The following GPC5 variants were observed in gnomAD, a reference collection of about 807,000 sequenced individuals.
GPC5 encodes the protein glypican-5.
A neutral mutation model predicts 53.9 loss-of-function variants in GPC5; 47 were observed. The ratio of observed to expected loss-of-function variants is 0.87; its 90% CI spans 0.69 to 1.11. GPC5 has a LOEUF of 1.11. Among genes scored for constraint, GPC5 ranks in the 50% most tolerant of loss-of-function variants. The probability of loss-of-function intolerance (pLI) is 0.00; values close to 1 mark genes in which losing one functional copy is unlikely to be tolerated. For missense variants in GPC5, 748 were observed against 713.1 expected (o/e 1.05, Z -0.56); for synonymous variants, 286 against 263.3 (o/e 1.09, Z -0.84).
chr13:92,139,511 C>T (rs760786561), intron 6 of GPC5, among the ~76,000 whole-genome samples: 1 of 151,706 alleles, frequency 6.6e-6, no homozygotes, highest in Non-Finnish European at 1.5e-5. Context: ...ACTAAAAATA[C>T]AAAAAATTAG....
intron 7 of GPC5, among the ~76,000 whole-genome samples, chr13:92,735,052 C>T (rs1888903654): frequency 1.3e-5 from 2 of 151,794 alleles, no homozygotes; most frequent in African/African-American, 4.8e-5. Flanking sequence ...AAAAAAACAG[C>T]TTTTTAATCA....
chr13:92,007,098 C>T (rs981602507), intron 6 of GPC5, among the ~76,000 whole-genome samples: 1 of 152,080 alleles, frequency 6.6e-6, no homozygotes, highest in Admixed American at 6.6e-5. Flanking sequence ...CATAAAAGTT[C>T]AGTATGCAAT....
At chr13:91,418,208 G>A (rs1178045727) in intron 1 of GPC5, among the ~76,000 whole-genome samples, 2 of 152,138 alleles carry the variant, frequency 1.3e-5, no homozygotes, top group African/African-American at 4.8e-5. Flanking sequence ...GCCACTAGGA[G>A]TCTTAAAGGA....
Position 92,039,750 on chromosome 13 carries a change from G to GT in GPC5, c.1402-105071dup, listed in dbSNP as rs568192301. Among the ~76,000 whole-genome samples, 806 of 151,340 alleles carry GT rather than the reference G, an allele frequency of 5.3e-3. 6 individuals carry two copies. Among genetic ancestry groups the GT allele is most frequent in the East Asian group, 0.034 (175 of 5,134 alleles). ...CTGCCTTCTGGCTATACCTTCACGT[G>GT]TTTTTTTTTCTATGTGTGTGCACAT... On this transcript the variant is annotated intron_variant, in intron 6 of 7. Transcript: ENST00000377067.
At chr13:91,918,287 G>A (rs189613260) in intron 6 of GPC5, among the ~76,000 whole-genome samples, 116 of 152,212 alleles carry the variant, frequency 7.6e-4, no homozygotes, top group East Asian at 5.8e-4. Context: ...TGACATGTGG[G>A]TATTATAGAG....
At chr13:91,946,338 T>A (rs771802255) in intron 6 of GPC5, among the ~76,000 whole-genome samples, 1 of 152,186 alleles carries the variant, frequency 6.6e-6, no homozygotes, top group Non-Finnish European at 1.5e-5. Flanking sequence ...TTTGCATGTG[T>A]TTAAAATATA....
rs377732113 is a variant in GPC5, at chr13:92,616,243, C to T, written c.1562-250039C>T. On this transcript the variant is annotated intron_variant, in intron 7 of 7. Coordinates refer to ENST00000377067, the MANE Select transcript of GPC5 (RefSeq NM_004466.6). ...TCAAGAAGACTTAATATGTTGATAC[C>T]ACCAGGGCATTTTAATATAAAAATT... 1.7e-4 allele frequency among the ~76,000 whole-genome samples: 26 copies of T among 152,176 alleles called. No homozygotes were observed. The South Asian group carries it at 5.4e-3, about 32-fold the overall frequency.
Position 92,866,310 on chromosome 13 carries a change from T to C in GPC5, c.1590T>C (p.Asp530=), listed in dbSNP as rs957042463. Residue 530 remains aspartate (D), a synonymous_variant, in exon 8 of 8, where the codon GAT becomes GAC. Coordinates refer to ENST00000377067, the MANE Select transcript of GPC5 (RefSeq NM_004466.6). ...TGCCAGATGATATGAACTTCAGTGA[T>C]GTAAAGCAAATCCATCAAACAGACA... The part of the protein sequence containing the change: ...DWMPDDMNFS[D]VKQIHQTDTG... The C allele has an allele frequency of 1.2e-6, 2 of 1,612,324 alleles. No homozygotes were observed. Among genetic ancestry groups the C allele is most frequent in the African/African-American group, 1.3e-5 (1 of 74,816 alleles).
In GPC5 at chr13:92,313,556, T is replaced by A. The variant is rs1047691060; in HGVS notation, c.1561+168567T>A. Among the ~76,000 whole-genome samples, 4 of 152,360 alleles carry A rather than the reference T, an allele frequency of 2.6e-5. No individual in the cohort carries two copies. The East Asian group carries it at 7.7e-4, about 29-fold the overall frequency. ...AGAAGTTGAGGTTCTTTTTTGCTGA[T>A]TGTGCCAGAAGTTGTTTCCCTTGCA... On this transcript the variant is annotated intron_variant, in intron 7 of 7. Coordinates refer to ENST00000377067, the MANE Select transcript of GPC5 (RefSeq NM_004466.6).
chr13:91,511,282 T>C (rs1031931663), intron 2 of GPC5, among the ~76,000 whole-genome samples: 1 of 152,224 alleles, frequency 6.6e-6, no homozygotes, highest in Non-Finnish European at 1.5e-5. Context: ...GAATGCATTC[T>C]GTTTTTCTCT....
chr13:91,581,495 T>C (rs1447699125), intron 2 of GPC5, among the ~76,000 whole-genome samples: 1 of 152,198 alleles, frequency 6.6e-6, no homozygotes, highest in Non-Finnish European at 1.5e-5. Flanking sequence ...CTGCTTTCAT[T>C]ATATGGCTGG....
chr13:91,591,369 CT>C (rs2032792685), intron 2 of GPC5, among the ~76,000 whole-genome samples: 1 of 152,256 alleles, frequency 6.6e-6, no homozygotes, highest in East Asian at 1.9e-4. Flanking sequence ...ACCGTTAGGA[CT>C]TTTTCTTTTG....
At chr13:91,711,906 T>C (rs1425632581) in intron 3 of GPC5, among the ~76,000 whole-genome samples, 2 of 152,202 alleles carry the variant, frequency 1.3e-5, no homozygotes, top group Admixed American at 6.5e-5. Context: ...CATTGGCAGC[T>C]GTGATCATCC....
chr13:91,657,699 T>TA lies in GPC5; in HGVS notation c.326-35479dup, dbSNP rs993197692. ...AATTTGAGGTACTCACTAAACCTGA[T>TA]AAAAAAAAATCCTGCCTAAGTTATA... On this transcript the variant is annotated intron_variant, in intron 2 of 7. Transcript: ENST00000377067. Among the ~76,000 whole-genome samples the TA allele has an allele frequency of 1.1e-3, 171 of 151,492 alleles. 1 individual carries two copies. The highest frequency in any genetic ancestry group is 2.8e-3 in the African/African-American group (115 of 41,276).
At chr13:92,185,012 A>G (rs1336755228) in intron 7 of GPC5, among the ~76,000 whole-genome samples, 2 of 152,188 alleles carry the variant, frequency 1.3e-5, no homozygotes, top group East Asian at 1.9e-4. Flanking sequence ...TTTCATGTCA[A>G]TTTTGCAAAT....
Position 91,405,979 on chromosome 13 carries a change from G to A in GPC5, c.163+6770G>A, listed in dbSNP as rs192781443. On this transcript the variant is annotated intron_variant, in intron 1 of 7. Coordinates refer to ENST00000377067, the MANE Select transcript of GPC5 (RefSeq NM_004466.6). ...TAGAGATGGGGTTTTGCCACCTTGC[G>A]CAGGCTGGTCTTGAACTCCTGGGCT... Among the ~76,000 whole-genome samples the A allele has an allele frequency of 2.9e-3, 441 of 152,062 alleles. 7 individuals are homozygous for A. The highest frequency in any genetic ancestry group is 2.1e-3 in the Admixed American group (32 of 15,258).
chr13:91,600,125 C>T (rs1019407891), intron 2 of GPC5, among the ~76,000 whole-genome samples: 2 of 152,050 alleles, frequency 1.3e-5, no homozygotes, highest in African/African-American at 4.8e-5. Flanking sequence ...GTTTCACCAT[C>T]TTGGCCAGGC....
chr13:92,541,904 C>T (rs919939360), intron 7 of GPC5, among the ~76,000 whole-genome samples: 9 of 151,872 alleles, frequency 5.9e-5, no homozygotes, highest in Admixed American at 3.3e-4. Context: ...ATTCCAGTGG[C>T]ATGCTTATGT....
At chr13:92,860,824 G>C (rs1341240955) in intron 7 of GPC5, among the ~76,000 whole-genome samples, 1 of 151,970 alleles carries the variant, frequency 6.6e-6, no homozygotes, top group Non-Finnish European at 1.5e-5. Flanking sequence ...TTTACAGTCT[G>C]AGTTGCTGCA....
Sources: allele counts gnomAD v4.1 joint callset (sites outside exome capture counted in the v4.1 genomes callset), GRCh38; gene constraint gnomAD v4.1.1; transcripts MANE v1.5; gene names NCBI Gene and HGNC (gene_info 2026-07-23, HGNC 2026-07-21).